The following HCN1 variants were observed in gnomAD, a reference collection of about 807,000 sequenced individuals.
The protein encoded by HCN1 is hyperpolarization activated cyclic nucleotide gated potassium channel 1.
A neutral mutation model predicts 78.9 loss-of-function variants in HCN1; 13 were observed. That is an observed-to-expected ratio of 0.16 (90% CI 0.11 to 0.26). The LOEUF is 0.26. Among genes scored for constraint, HCN1 ranks in the 10% least tolerant of loss-of-function variants. The probability of loss-of-function intolerance (pLI) is 1.00; values close to 1 mark genes in which losing one functional copy is unlikely to be tolerated. For synonymous variants in HCN1, 552 were observed against 455.5 expected, an observed-to-expected ratio of 1.21 and a Z score of -2.70; for missense variants, 810 against 1,154.3, an observed-to-expected ratio of 0.70 and a Z score of 4.32.
chr5:45,448,939 T>C (rs945718533), intron 3 of HCN1, among the ~76,000 whole-genome samples: 1 of 151,882 alleles, frequency 6.6e-6, no homozygotes, highest in Non-Finnish European at 1.5e-5. Flanking sequence ...CATGGGAAAA[T>C]CCTGTTTTTA....
At chr5:45,402,650 C>A (rs935629336) in intron 3 of HCN1, among the ~76,000 whole-genome samples, 2 of 151,920 alleles carry the variant, frequency 1.3e-5, no homozygotes, top group African/African-American at 4.8e-5. Flanking sequence ...TATAAAGCAA[C>A]AACAATAACA....
chr5:45,550,499 G>C (rs181643778), intron 2 of HCN1, among the ~76,000 whole-genome samples: 1 of 152,108 alleles, frequency 6.6e-6, no homozygotes, highest in African/African-American at 2.4e-5. Context: ...CCTATTGTGG[G>C]GTTGGGGCAC....
At chr5:45,375,805 T>G (rs1215790115) in intron 4 of HCN1, among the ~76,000 whole-genome samples, 7 of 115,604 alleles carry the variant, frequency 6.1e-5, no homozygotes, top group Non-Finnish European at 1.1e-4. Context: ...TGATATATCT[T>G]ATATATAATA....
intron 5 of HCN1, among the ~76,000 whole-genome samples, chr5:45,317,942 T>C (rs1346524187): frequency 1.3e-5 from 2 of 152,072 alleles, no homozygotes; most frequent in South Asian, 2.1e-4. Context: ...TGTGGAGAAA[T>C]AGGAACACTT....
chr5:45,507,489 T>C (rs1459844435), intron 2 of HCN1, among the ~76,000 whole-genome samples: 2 of 152,170 alleles, frequency 1.3e-5, no homozygotes, highest in African/African-American at 4.8e-5. Flanking sequence ...ATTTTCATGC[T>C]TCTTGTTGAG....
rs541703467 is a variant in HCN1 at position 45,534,704 on chromosome 5, A to AT, written c.850-72698dup. ...TAAACATTAGGCTCATCTTGTATCAATTTGTTAAGCGAAACTGGTTGGCAT... is the reference window on the plus strand; with the variant it reads ...TAAACATTAGGCTCATCTTGTATCAATTTTGTTAAGCGAAACTGGTTGGCAT... On this transcript the variant is annotated intron_variant, in intron 2 of 7. Coordinates refer to ENST00000303230, the MANE Select transcript of HCN1 (RefSeq NM_021072.4). Among the ~76,000 whole-genome samples, 14 of 152,160 alleles carry AT rather than the reference A, an allele frequency of 9.2e-5. No individual in the cohort carries two copies. The East Asian group carries it at 1.9e-3, about 21-fold the overall frequency.
At chr5:45,355,819 T>C (rs1250439883) in intron 4 of HCN1, among the ~76,000 whole-genome samples, 3 of 151,706 alleles carry the variant, frequency 2.0e-5, no homozygotes, top group Non-Finnish European at 2.9e-5. Context: ...GATTAGAAAA[T>C]CCAAAGAAGG....
intron 2 of HCN1, among the ~76,000 whole-genome samples, chr5:45,475,620 T>TG (rs1204007713): frequency 8.9e-4 from 135 of 152,250 alleles, no homozygotes; most frequent in African/African-American, 3.2e-3. Context: ...AAGGTTACTA[T>TG]CATTATTATC....
At chr5:45,671,126 A>G (rs1746142398) in intron 1 of HCN1, among the ~76,000 whole-genome samples, 1 of 151,628 alleles carries the variant, frequency 6.6e-6, no homozygotes, top group African/African-American at 2.4e-5. Flanking sequence ...TTTATTTTCC[A>G]TATGCCTTCC....
At chr5:45,314,555 G>C (rs1745935162) in intron 5 of HCN1, among the ~76,000 whole-genome samples, 1 of 152,096 alleles carries the variant, frequency 6.6e-6, no homozygotes, top group African/African-American at 2.4e-5. Context: ...CCAATTAAAA[G>C]ACACAGACTG....
intron 4 of HCN1, among the ~76,000 whole-genome samples, chr5:45,376,438 C>G (rs909609118): frequency 1.4e-5 from 2 of 147,840 alleles, no homozygotes; most frequent in Admixed American, 7.0e-5. Context: ...CTTTAACGAC[C>G]AGGAAGTTGC....
intron 2 of HCN1, chr5:45,643,400 AT>A (rs1580014012): frequency 6.6e-6 from 1 of 152,028 alleles, no homozygotes; most frequent in Non-Finnish European, 1.5e-5. Context: ...TTGTTAAAAT[AT>A]TTTTCCATGG....
chr5:45,574,219 T>A (rs573119405), intron 2 of HCN1, among the ~76,000 whole-genome samples: 1 of 152,206 alleles, frequency 6.6e-6, no homozygotes, highest in East Asian at 1.9e-4. Flanking sequence ...TTAAGATTTT[T>A]GCAACTCTGC....
At chr5:45,560,739 CA>C (rs1206268365) in intron 2 of HCN1, among the ~76,000 whole-genome samples, 1 of 151,944 alleles carries the variant, frequency 6.6e-6, no homozygotes. Flanking sequence ...ACACTTAAAT[CA>C]ACTGCTCTAT....
At chr5:45,692,366 T>C (rs1322477987) in intron 1 of HCN1, among the ~76,000 whole-genome samples, 1 of 152,180 alleles carries the variant, frequency 6.6e-6, no homozygotes, top group African/African-American at 2.4e-5. Context: ...TGTCTATGTG[T>C]TGTTCACATG....
intron 2 of HCN1, among the ~76,000 whole-genome samples, chr5:45,585,426 C>T (rs201677799): frequency 3.0e-4 from 45 of 152,218 alleles, no homozygotes; most frequent in Middle Eastern, 3.4e-3. Context: ...GTTAGCCATT[C>T]GTCTAATTTT....
chr5:45,288,793 A>G (rs369428361), intron 6 of HCN1, among the ~76,000 whole-genome samples: 3 of 152,122 alleles, frequency 2.0e-5, no homozygotes, highest in East Asian at 3.9e-4. Context: ...AGCAATTTGG[A>G]CCTTTGGACT....
At chr5:45,624,787 A>T (rs1039541602) in intron 2 of HCN1, among the ~76,000 whole-genome samples, 11 of 151,868 alleles carry the variant, frequency 7.2e-5, no homozygotes, top group African/African-American at 2.7e-4. Context: ...TCTTGTGTTT[A>T]TGGAGGCAAG....
chr5:45,651,593 AT>A (rs1745677060), intron 1 of HCN1, among the ~76,000 whole-genome samples: 2 of 152,042 alleles, frequency 1.3e-5, no homozygotes, highest in Non-Finnish European at 2.9e-5. Flanking sequence ...AACTGATTCA[AT>A]TTTTAAAATC....
Sources: allele counts gnomAD v4.1 joint callset (sites outside exome capture counted in the v4.1 genomes callset), GRCh38; gene constraint gnomAD v4.1.1; transcripts MANE v1.5; gene names NCBI Gene and HGNC (gene_info 2026-07-23, HGNC 2026-07-21).